Variants in GPHN observed in about 807,000 individuals in gnomAD.
GPHN encodes the protein gephyrin.
GPHN carries 17 observed loss-of-function variants against 95.5 expected under a neutral mutation model. The ratio of observed to expected loss-of-function variants is 0.18; its 90% CI spans 0.12 to 0.27. The LOEUF (loss-of-function observed/expected upper bound fraction) is 0.27, where lower values mean the gene tolerates loss of function less well. Among genes scored for constraint, GPHN ranks in the 10% least tolerant of loss-of-function variants. GPHN has a pLI of 1.00. For missense variants in GPHN, 660 were observed against 978.1 expected, an observed-to-expected ratio of 0.67 and a Z score of 4.34; for synonymous variants, 320 against 322.5, an observed-to-expected ratio of 0.99 and a Z score of 0.08.
At chr14:66,661,585 C>G (rs762788860) in intron 1 of GPHN, among the ~76,000 whole-genome samples, 1 of 152,142 alleles carries the variant, frequency 6.6e-6, no homozygotes, top group Non-Finnish European at 1.5e-5. Context: ...GAGTCCAAAC[C>G]GACCAGGGCA....
At chr14:67,422,031 G>A in the GPHN span, among the ~76,000 whole-genome samples, 1 of 152,156 alleles carries the variant, frequency 6.6e-6, no homozygotes, top group East Asian at 1.9e-4. Flanking sequence ...TAGCTGGGGA[G>A]AGATTGCCTC....
the GPHN span, among the ~76,000 whole-genome samples, chr14:67,661,999 A>T: frequency 1.3e-5 from 2 of 152,072 alleles, no homozygotes. Context: ...TACTGAAAAT[A>T]CAAAAAAACA....
the GPHN span, among the ~76,000 whole-genome samples, chr14:67,464,302 G>C: frequency 4.6e-5 from 7 of 152,156 alleles, no homozygotes; most frequent in African/African-American, 1.7e-4. Flanking sequence ...GGCTCTCCCT[G>C]CAGCCTCCCC....
chr14:67,526,737 G>T, the GPHN span, among the ~76,000 whole-genome samples: 1 of 152,206 alleles, frequency 6.6e-6, no homozygotes, highest in East Asian at 1.9e-4. Context: ...CAGGGTCCTT[G>T]AAGAAAACAA....
At chr14:67,265,856 CAAA>C in the GPHN span, among the ~76,000 whole-genome samples, 1 of 75,400 alleles carries the variant, frequency 1.3e-5, no homozygotes. Flanking sequence ...GACTCCATCT[CAAA>C]AAAAAAAAAA....
At chr14:66,728,100 G>T (rs1469417271) in intron 2 of GPHN, among the ~76,000 whole-genome samples, 1 of 152,168 alleles carries the variant, frequency 6.6e-6, no homozygotes, top group Admixed American at 6.5e-5. Context: ...GCTTCAGAGG[G>T]TGCAAGCCCC....
At chr14:67,396,476 C>G in the GPHN span, among the ~76,000 whole-genome samples, 4 of 151,812 alleles carry the variant, frequency 2.6e-5, no homozygotes, top group East Asian at 7.8e-4. Context: ...AGACCATGCT[C>G]TCACTCAAAA....
intron 1 of GPHN, among the ~76,000 whole-genome samples, chr14:66,510,751 A>G (rs1360243165): frequency 6.6e-6 from 1 of 152,200 alleles, no homozygotes; most frequent in African/African-American, 2.4e-5. Flanking sequence ...ATAGTTGATG[A>G]TGAGGCTTCT....
the GPHN span, among the ~76,000 whole-genome samples, chr14:67,688,461 T>C: frequency 6.6e-6 from 1 of 152,154 alleles, no homozygotes; most frequent in African/African-American, 2.4e-5. Context: ...CATATGTAAA[T>C]GCATAGGAAA....
chr14:67,668,420 T>C, the GPHN span, among the ~76,000 whole-genome samples: 1 of 152,244 alleles, frequency 6.6e-6, no homozygotes, highest in Admixed American at 6.5e-5. Context: ...TTGTCTCTAG[T>C]ATCATTCAAA....
the GPHN span, among the ~76,000 whole-genome samples, chr14:67,439,616 T>C: frequency 6.6e-6 from 1 of 150,552 alleles, no homozygotes; most frequent in Non-Finnish European, 1.5e-5. Context: ...TGCATCAGAA[T>C]TACTCACAAA....
At chr14:67,501,325 C>G in the GPHN span, among the ~76,000 whole-genome samples, 1 of 151,856 alleles carries the variant, frequency 6.6e-6, no homozygotes, top group East Asian at 1.9e-4. Flanking sequence ...TAAGGGAGTG[C>G]CAAAATATTT....
the GPHN span, chr14:67,353,008 C>G: frequency 6.2e-7 from 1 of 1,613,946 alleles, no homozygotes; most frequent in Non-Finnish European, 8.5e-7. Flanking sequence ...TGTCTGTGCT[C>G]CCTTTAAACG....
At chr14:67,616,532 A>G in the GPHN span, 1 of 152,868 alleles carries the variant, frequency 6.5e-6, no homozygotes, top group African/African-American at 2.4e-5. Context: ...GCTTCTAAGT[A>G]CATACAATTA....
chr14:66,920,015 A>G (rs2066128840), intron 6 of GPHN, among the ~76,000 whole-genome samples: 1 of 152,166 alleles, frequency 6.6e-6, no homozygotes, highest in Non-Finnish European at 1.5e-5. Flanking sequence ...GCAGTGAGAC[A>G]AGATGGCGCC....
At chr14:67,203,311 G>T in the GPHN span, 2 of 1,545,212 alleles carry the variant, frequency 1.3e-6, no homozygotes, top group Non-Finnish European at 8.8e-7. Context: ...ACAAAGAGAA[G>T]AGGTTAAAGA....
chr14:67,561,799 G>A, the GPHN span, among the ~76,000 whole-genome samples: 5 of 151,786 alleles, frequency 3.3e-5, 1 homozygote, highest in African/African-American at 1.2e-4. Context: ...GGGCCTGGGA[G>A]GTCAAGGCTG....
the GPHN span, among the ~76,000 whole-genome samples, chr14:67,248,454 T>C: frequency 6.6e-6 from 1 of 152,234 alleles, no homozygotes; most frequent in African/African-American, 2.4e-5. Context: ...ACCTACATTT[T>C]ACATTTTAGT....
chr14:67,568,170 C>A, the GPHN span, among the ~76,000 whole-genome samples: 1 of 152,086 alleles, frequency 6.6e-6, no homozygotes, highest in African/African-American at 2.4e-5. Context: ...GCACTACTCA[C>A]AATAGCAAAG....
Sources: allele counts gnomAD v4.1 joint callset (sites outside exome capture counted in the v4.1 genomes callset), GRCh38; gene constraint gnomAD v4.1.1; transcripts MANE v1.5; gene names NCBI Gene and HGNC (gene_info 2026-07-23, HGNC 2026-07-21).